PSD3: variants seen among roughly 807,000 people sequenced by gnomAD.
PSD3 encodes the protein PH and SEC7 domain-containing protein 3.
Under a neutral mutation model 105.5 loss-of-function variants are expected in PSD3, and 49 were observed. The observed-to-expected ratio is 0.46, with a 90% CI of 0.37 to 0.59. The LOEUF (loss-of-function observed/expected upper bound fraction) is 0.59, where lower values mean the gene tolerates loss of function less well. PSD3 is among the 20% of genes least tolerant of loss of function. The probability of loss-of-function intolerance (pLI) is 0.00; values close to 1 mark genes in which losing one functional copy is unlikely to be tolerated. For missense variants in PSD3, 1,561 were observed against 1,263.8 expected (o/e 1.24, Z -3.57); for synonymous variants, 557 against 457.8 (o/e 1.22, Z -2.77).
intron 1 of PSD3, among the ~76,000 whole-genome samples, chr8:19,036,721 A>G (rs1466811116): frequency 6.6e-6 from 1 of 151,926 alleles, no homozygotes; most frequent in Admixed American, 6.6e-5. Flanking sequence ...AGATTCATGA[A>G]CCCCAGGCTG....
chr8:18,594,068 A>G, intron 12 of PSD3, among the ~76,000 whole-genome samples: 1 of 140,264 alleles, frequency 7.1e-6, no homozygotes, highest in Non-Finnish European at 1.5e-5. Context: ...GCACATGTAT[A>G]CATATATAAC....
intron 9 of PSD3, among the ~76,000 whole-genome samples, chr8:18,708,391 A>T (rs1185067315): frequency 6.6e-6 from 1 of 152,158 alleles, no homozygotes; most frequent in Non-Finnish European, 1.5e-5. Flanking sequence ...CTATGTGAAT[A>T]CTGAATATAG....
At chr8:18,711,882 A>G (rs1802279112) in intron 9 of PSD3, among the ~76,000 whole-genome samples, 1 of 152,224 alleles carries the variant, frequency 6.6e-6, no homozygotes, top group Non-Finnish European at 1.5e-5. Flanking sequence ...AATTGGAAGT[A>G]AAACACTCCT....
intron 11 of PSD3, among the ~76,000 whole-genome samples, chr8:18,627,378 A>T (rs1250215612): frequency 1.3e-5 from 2 of 152,004 alleles, no homozygotes; most frequent in Non-Finnish European, 2.9e-5. Context: ...TGCAGAGGAT[A>T]CTCTGCTCTT....
chr8:18,654,369 T>C (rs1470241298), intron 10 of PSD3, among the ~76,000 whole-genome samples: 1 of 152,190 alleles, frequency 6.6e-6, no homozygotes, highest in Non-Finnish European at 1.5e-5. Flanking sequence ...CCCGAGTTCA[T>C]TGTAGAATGC....
At chr8:18,854,416 A>G (rs1815839527) in intron 4 of PSD3, 2 of 152,312 alleles carry the variant, frequency 1.3e-5, no homozygotes, top group South Asian at 2.1e-4. Flanking sequence ...GAAGTCACTC[A>G]TGACCTCACA....
chr8:18,863,012 C>T (rs145542894), intron 4 of PSD3, among the ~76,000 whole-genome samples: 1,737 of 152,226 alleles, frequency 0.011, 12 homozygotes, highest in Non-Finnish European at 0.017. Flanking sequence ...CTGCCATACC[C>T]GTTAGTATCC....
intron 1 of PSD3, among the ~76,000 whole-genome samples, chr8:19,024,296 G>A (rs1382803310): frequency 6.6e-6 from 1 of 152,136 alleles, no homozygotes; most frequent in Non-Finnish European, 1.5e-5. Context: ...ATGCTTGCAT[G>A]TTTTTAGATT....
chr8:18,564,369 C>T (rs1236276824), intron 14 of PSD3, among the ~76,000 whole-genome samples: 1 of 152,114 alleles, frequency 6.6e-6, no homozygotes, highest in Non-Finnish European at 1.5e-5. Flanking sequence ...TGGCTCACGC[C>T]TGTAATCCCA....
intron 2 of PSD3, among the ~76,000 whole-genome samples, chr8:18,917,813 C>A (rs1009172741): frequency 6.6e-6 from 1 of 152,172 alleles, no homozygotes; most frequent in African/African-American, 2.4e-5. Flanking sequence ...TAGCCAGGAC[C>A]TGCAACACCG....
chr8:19,047,033 A>C (rs943872249), intron 1 of PSD3, among the ~76,000 whole-genome samples: 2 of 152,022 alleles, frequency 1.3e-5, no homozygotes, highest in Admixed American at 1.3e-4. Context: ...TACATTTATC[A>C]GTGTATCCTC....
intron 9 of PSD3, among the ~76,000 whole-genome samples, chr8:18,742,338 G>C (rs1287377708): frequency 1.3e-5 from 2 of 152,054 alleles, no homozygotes; most frequent in African/African-American, 2.4e-5. Flanking sequence ...CCTTAAATTT[G>C]CTACGTAACC....
intron 9 of PSD3, among the ~76,000 whole-genome samples, chr8:18,735,431 C>G (rs1804081828): frequency 1.3e-5 from 2 of 152,112 alleles, no homozygotes; most frequent in South Asian, 4.1e-4. Context: ...TAAACGTACC[C>G]AAGTGGACAC....
chr8:18,807,459 T>C (rs1811302066), intron 4 of PSD3, among the ~76,000 whole-genome samples: 1 of 152,164 alleles, frequency 6.6e-6, no homozygotes. Context: ...CTCAACTGTG[T>C]AAAAATGTCA....
Position 18,534,799 on chromosome 8 carries a change from CCACACACGCACACA to C in PSD3, c.*930_*943del, listed in dbSNP as rs1025926532. 7.9e-5 allele frequency: 12 copies of C among 152,396 alleles called. No homozygotes were observed. The highest frequency in any genetic ancestry group is 1.5e-4 in the Non-Finnish European group (10 of 68,026). The allele number at this position is 152,396 out of a possible 1,614,324, so 9.4% of individuals were successfully genotyped here. On this transcript the variant is annotated 3_prime_UTR_variant, in exon 16 of 16. Coordinates refer to ENST00000327040, the MANE Select transcript of PSD3 (RefSeq NM_015310.4). ...TCACAACCAGGACACAACCCCATGC[CCACACACGCACACA>C]CACGCACGCACACACACATATGTAG...
intron 12 of PSD3, among the ~76,000 whole-genome samples, chr8:18,581,542 T>TA (rs1563344517): frequency 2.0e-5 from 3 of 152,172 alleles, no homozygotes; most frequent in Non-Finnish European, 4.4e-5. Context: ...AATCAGCCCC[T>TA]ATGCTGGTGT....
intron 1 of PSD3, among the ~76,000 whole-genome samples, chr8:19,082,133 G>A (rs1267580123): frequency 6.6e-6 from 1 of 152,206 alleles, no homozygotes; most frequent in Admixed American, 6.5e-5. Flanking sequence ...GTCCAGGGCT[G>A]GACACATGGA....
At chr8:18,683,159 C>T (rs932593620) in intron 9 of PSD3, among the ~76,000 whole-genome samples, 3 of 152,176 alleles carry the variant, frequency 2.0e-5, no homozygotes, top group African/African-American at 7.2e-5. Flanking sequence ...ATCTTCAAGA[C>T]AGCTGCAAAA....
chr8:18,716,354 C>T (rs1240875262), intron 9 of PSD3, among the ~76,000 whole-genome samples: 3 of 152,164 alleles, frequency 2.0e-5, no homozygotes, highest in Non-Finnish European at 4.4e-5. Flanking sequence ...TTTTACCTTT[C>T]CGGGCTCTGC....
Sources: gnomAD v4.1 joint callset for allele counts (sites outside exome capture counted in the v4.1 genomes callset) on GRCh38, gnomAD v4.1.1 for gene constraint, MANE v1.5 for transcripts, NCBI Gene and HGNC (gene_info 2026-07-23, HGNC 2026-07-21) for gene names.